CTIF: variants seen among roughly 807,000 people sequenced by gnomAD.
The protein encoded by CTIF is cap binding complex dependent translation initiation factor.
In CTIF, 21 loss-of-function variants were observed where a neutral mutation model predicts 66.0. That is an observed-to-expected ratio of 0.32 (90% CI 0.23 to 0.46). The LOEUF is 0.46. CTIF is among the 20% of genes least tolerant of loss of function. The probability of loss-of-function intolerance (pLI) is 1.00; values close to 1 mark genes in which losing one functional copy is unlikely to be tolerated. For synonymous variants in CTIF, 345 were observed against 326.4 expected, an observed-to-expected ratio of 1.06 and a Z score of -0.62; for missense variants, 739 against 812.7, an observed-to-expected ratio of 0.91 and a Z score of 1.10.
Position 48,730,588 on chromosome 18 carries a change from T to C in CTIF, c.584+18893T>C, listed in dbSNP as rs187650470. Among the ~76,000 whole-genome samples, 20 of 4,970 alleles carry C rather than the reference T, an allele frequency of 4.0e-3. 1 individual carries two copies. Among genetic ancestry groups the C allele is most frequent in the Non-Finnish European group, 5.5e-3 (12 of 2,192 alleles). The allele number at this position is 4,970 out of a possible 152,430, so 3.3% of individuals were successfully genotyped here. A position where few individuals can be genotyped will look rare whatever the true frequency, so the allele number is the denominator to read the frequency against. On this transcript the variant is annotated intron_variant, in intron 7 of 11. Transcript: ENST00000256413. ...GCTTCTGCGGTGTGAGGGGCCCCTGTGGTGTGAGGGGCTTCTGCTGTGTGA... is the reference window on the plus strand; with the variant it reads ...GCTTCTGCGGTGTGAGGGGCCCCTGCGGTGTGAGGGGCTTCTGCTGTGTGA...
chr18:48,660,085 G>A (rs2091315680), intron 3 of CTIF, among the ~76,000 whole-genome samples: 4 of 149,560 alleles, frequency 2.7e-5, no homozygotes, highest in Admixed American at 2.7e-4. Flanking sequence ...CCCCAGCTGG[G>A]CCATGGCCTC....
chr18:48,616,729 T>C (rs2090407200), intron 1 of CTIF, among the ~76,000 whole-genome samples: 1 of 152,186 alleles, frequency 6.6e-6, no homozygotes, highest in African/African-American at 2.4e-5. Context: ...TTAGCAGAAA[T>C]TGCAGCATTC....
intron 6 of CTIF, among the ~76,000 whole-genome samples, chr18:48,709,817 C>T (rs1192460179): frequency 6.6e-6 from 1 of 152,240 alleles, no homozygotes; most frequent in Non-Finnish European, 1.5e-5. Flanking sequence ...CCTAAGGCCC[C>T]AGAGGCCTAT....
At chr18:48,677,680 C>A (rs551374335) in intron 6 of CTIF, among the ~76,000 whole-genome samples, 3 of 152,176 alleles carry the variant, frequency 2.0e-5, no homozygotes, top group African/African-American at 7.2e-5. Context: ...ACTCAAGAAT[C>A]GTCACTCGAT....
At chr18:48,602,863 A>ATGGG (rs2090118682) in intron 1 of CTIF, among the ~76,000 whole-genome samples, 1 of 147,864 alleles carries the variant, frequency 6.8e-6, no homozygotes, top group Admixed American at 6.7e-5. Context: ...GGATGGATGG[A>ATGGG]TGGATGGATG....
intron 1 of CTIF, among the ~76,000 whole-genome samples, chr18:48,605,157 G>A (rs2090179957): frequency 6.6e-6 from 1 of 152,076 alleles, no homozygotes; most frequent in African/African-American, 2.4e-5. Flanking sequence ...GGAATTGTTG[G>A]GTCATAAGGT....
chr18:48,681,655 C>G (rs550807517), intron 6 of CTIF, among the ~76,000 whole-genome samples: 1 of 152,174 alleles, frequency 6.6e-6, no homozygotes, highest in East Asian at 1.9e-4. Context: ...CCTGTGACTC[C>G]GAGTCTGTCT....
At chr18:48,736,694 G>A (rs1333648285) in intron 7 of CTIF, among the ~76,000 whole-genome samples, 1 of 152,200 alleles carries the variant, frequency 6.6e-6, no homozygotes, top group Non-Finnish European at 1.5e-5. Context: ...AACTCTTGTG[G>A]GTCAGGAAGT....
rs538166050 is a variant in CTIF at position 48,553,378 on chromosome 18, G to C, written c.-29+14066G>C. Among the ~76,000 whole-genome samples the C allele has an allele frequency of 5.3e-5, 8 of 152,328 alleles. No homozygotes were observed. In the South Asian group the frequency reaches 1.4e-3, roughly 28 times the overall value. ...CCTTGGAGGCCCAAGTTGAGCCAAA[G>C]ACCTCTGTGTCTTTCCCTCCATCCT... On this transcript the variant is annotated intron_variant, in intron 1 of 11. Coordinates refer to ENST00000256413, the MANE Select transcript of CTIF (RefSeq NM_014772.3).
rs539124292 is a variant in CTIF at position 48,654,801 on chromosome 18, A to G, written c.253-8951A>G. 1.6e-4 allele frequency among the ~76,000 whole-genome samples: 25 copies of G among 152,374 alleles called. No individual in the cohort carries two copies. The South Asian group carries it at 4.6e-3, about 28-fold the overall frequency. The stretch of plus-strand genomic sequence containing the variant: ...ATGGAATACTATGCAACCATAAAAA[A>G]GGATGAGTTCATGTCCTTTGCAGGG... On this transcript the variant is annotated intron_variant, in intron 3 of 11. Transcript: ENST00000256413.
chr18:48,788,633 A>T (rs2067728792), intron 9 of CTIF, among the ~76,000 whole-genome samples: 1 of 152,164 alleles, frequency 6.6e-6, no homozygotes. Flanking sequence ...AGCAGTGGGA[A>T]CAGCCAGAGG....
intron 10 of CTIF, among the ~76,000 whole-genome samples, chr18:48,819,581 G>A (rs2068439861): frequency 6.6e-6 from 1 of 152,206 alleles, no homozygotes; most frequent in African/African-American, 2.4e-5. Context: ...GAGATCCGGA[G>A]GTGCCAGGAG....
intron 1 of CTIF, among the ~76,000 whole-genome samples, chr18:48,548,290 C>T (rs1445397280): frequency 6.6e-6 from 1 of 152,112 alleles, no homozygotes; most frequent in African/African-American, 2.4e-5. Flanking sequence ...CAGGCCTGTC[C>T]CACACTCTTG....
chr18:48,844,770 G>A (rs779566781), intron 10 of CTIF, among the ~76,000 whole-genome samples: 9 of 152,240 alleles, frequency 5.9e-5, no homozygotes, highest in South Asian at 2.1e-4. Context: ...GGGCAGGCAA[G>A]AGCGATTAAC....
At chr18:48,608,052 T>C (rs1015877470) in intron 1 of CTIF, among the ~76,000 whole-genome samples, 4 of 152,188 alleles carry the variant, frequency 2.6e-5, no homozygotes, top group African/African-American at 9.7e-5. Flanking sequence ...TTCCAGTTAG[T>C]TGCTCTTTCG....
At chr18:48,834,550 C>G (rs1339844216) in intron 10 of CTIF, 1 of 152,300 alleles carries the variant, frequency 6.6e-6, no homozygotes, top group Non-Finnish European at 1.5e-5. Context: ...AGTTTGAGAG[C>G]CACTGTCATA....
intron 10 of CTIF, among the ~76,000 whole-genome samples, chr18:48,842,281 G>A (rs1677707835): frequency 6.6e-6 from 1 of 152,186 alleles, no homozygotes; most frequent in Non-Finnish European, 1.5e-5. Context: ...CGAGGGTGGT[G>A]GGGCCTGAGT....
intron 10 of CTIF, among the ~76,000 whole-genome samples, chr18:48,855,011 G>GC (rs1384308129): frequency 6.6e-6 from 1 of 152,076 alleles, no homozygotes; most frequent in East Asian, 1.9e-4. Flanking sequence ...CATTTCCACC[G>GC]CCCCGGAGCT....
intron 8 of CTIF, among the ~76,000 whole-genome samples, chr18:48,759,795 C>T (rs976333590): frequency 6.6e-6 from 1 of 152,162 alleles, no homozygotes; most frequent in African/African-American, 2.4e-5. Flanking sequence ...GAGAGGGGTA[C>T]ATGGGGGAAT....
Sources: allele counts gnomAD v4.1 joint callset (sites outside exome capture counted in the v4.1 genomes callset), GRCh38; gene constraint gnomAD v4.1.1; transcripts MANE v1.5; gene names NCBI Gene and HGNC (gene_info 2026-07-23, HGNC 2026-07-21).